Variants in RABEPK observed in about 807,000 individuals in gnomAD.
RABEPK encodes Rab9 effector protein with kelch motifs, also known as 40 kDa Rab9 effector protein.
RABEPK carries 27 observed loss-of-function variants against 34.1 expected under a neutral mutation model. The ratio of observed to expected loss-of-function variants is 0.79; its 90% CI spans 0.58 to 1.09. RABEPK has a LOEUF of 1.09. Among genes scored for constraint, RABEPK ranks in the 50% least tolerant of loss-of-function variants. RABEPK has a pLI of 0.00. For missense variants in RABEPK, 449 were observed against 462.6 expected, an observed-to-expected ratio of 0.97 and a Z score of 0.27; for synonymous variants, 172 against 169.2, an observed-to-expected ratio of 1.02 and a Z score of -0.13.
At chr9:125,203,184 CTGGTA>C in intron 2 of RABEPK, 118 bp downstream of exon 2, 1 of 803,716 alleles carries the variant, frequency 1.2e-6, no homozygotes, top group Non-Finnish European at 2.1e-6. Flanking sequence ...TCTGCAGTTT[CTGGTA>C]ATTAGACTCA....
In RABEPK at chr9:125,228,056, A is replaced by T. The variant is rs1417357256; in HGVS notation, c.673A>T (p.Ile225Leu). 7.1e-6 allele frequency: 11 copies of T among 1,553,672 alleles called. No homozygotes were observed. The South Asian group carries it at 8.4e-5, about 12-fold the overall frequency. The part of the protein sequence containing the change: ...RFYDDLHCID[I>L]SDMKWQKLNP... ...CTATGATGACCTCCACTGCATTGAT[A>T]TAAGTAAGCAGGGCATGGGGGCTTG... Residue 225 changes from isoleucine (I) to leucine (L), a missense_variant, in exon 6 of 8, where the codon ATA (isoleucine) becomes TTA (leucine). By Grantham distance (5) the Ile-to-Leu change is conservative. Coordinates refer to ENST00000373538, the MANE Select transcript of RABEPK (RefSeq NM_005833.4).
rs1323038385 is a variant in RABEPK at position 125,233,981 on chromosome 9, T to C, written c.*1T>C. ...TTGTATTGTGACTGTAGTGGACTAA[T>C]AAAACCCACATTTTTATTACCTGTC... On this transcript the variant is annotated 3_prime_UTR_variant, in exon 8 of 8. Coordinates refer to ENST00000373538, the MANE Select transcript of RABEPK (RefSeq NM_005833.4). 8 of 1,587,668 alleles carry C rather than the reference T, an allele frequency of 5.0e-6. No individual in the cohort carries two copies. Among genetic ancestry groups the C allele is most frequent in the Non-Finnish European group, 8.6e-7 (1 of 1,160,478 alleles).
chr9:125,211,739 G>A (rs899659587), intron 3 of RABEPK, among the ~76,000 whole-genome samples: 2 of 152,106 alleles, frequency 1.3e-5, no homozygotes, highest in Admixed American at 6.6e-5. Flanking sequence ...AGGCCAAGGC[G>A]GGTGGGTCAC....
At chr9:125,205,992 G>C (rs1033888464) in intron 2 of RABEPK, among the ~76,000 whole-genome samples, 1 of 152,040 alleles carries the variant, frequency 6.6e-6, no homozygotes, top group Admixed American at 6.6e-5. Context: ...GAAAGGAGTC[G>C]GAGAAGGAAG....
In RABEPK at chr9:125,232,887, C is replaced by T. The variant is rs1004062698; in HGVS notation, c.826+142C>T. The T allele has an allele frequency of 1.0e-5, 8 of 800,192 alleles. No homozygotes were observed. The South Asian group carries it at 1.9e-4, about 19-fold the overall frequency. 49.6% of individuals were successfully genotyped at this position (800,192 alleles called of 1,614,324 possible). A position where few individuals can be genotyped will look rare whatever the true frequency, so the allele number is the denominator to read the frequency against. ...GGTCAGGAGATCGAGACCATCCTGA[C>T]CAACATGGTGAAACCCCATCTCTAC... On this transcript the variant is annotated intron_variant, in intron 7 of 7. Transcript: ENST00000373538.
intron 3 of RABEPK, among the ~76,000 whole-genome samples, chr9:125,207,958 C>T (rs1223634623): frequency 6.6e-6 from 1 of 152,112 alleles, no homozygotes; most frequent in Non-Finnish European, 1.5e-5. Context: ...AACCCTGTCT[C>T]TACTAAAAAT....
intron 2 of RABEPK, among the ~76,000 whole-genome samples, chr9:125,206,948 G>T (rs1396003456): frequency 6.6e-6 from 1 of 152,040 alleles, no homozygotes; most frequent in Admixed American, 6.6e-5. Context: ...AATTAGCCAG[G>T]TGTGGTGGCA....
intron 4 of RABEPK, among the ~76,000 whole-genome samples, chr9:125,215,714 C>G (rs1380256714): frequency 6.6e-6 from 1 of 151,966 alleles, no homozygotes; most frequent in Non-Finnish European, 1.5e-5. Context: ...CAGGTTTTTA[C>G]CATTATAATT....
chr9:125,214,430 A>G (rs1830789552), intron 4 of RABEPK, among the ~76,000 whole-genome samples: 2 of 152,234 alleles, frequency 1.3e-5, no homozygotes, highest in Non-Finnish European at 1.5e-5. Flanking sequence ...GTTAAGAAAC[A>G]CTGACCTGGA....
At chr9:125,215,725 A>G (rs1274578798) in intron 4 of RABEPK, among the ~76,000 whole-genome samples, 1 of 152,166 alleles carries the variant, frequency 6.6e-6, no homozygotes, top group Non-Finnish European at 1.5e-5. Flanking sequence ...CATTATAATT[A>G]ACAAAGCAGT....
intron 5 of RABEPK, among the ~76,000 whole-genome samples, chr9:125,223,594 G>A (rs778843388): frequency 4.6e-5 from 7 of 152,032 alleles, no homozygotes; most frequent in Non-Finnish European, 8.8e-5. Context: ...AGCCAGGTAT[G>A]CTGACTCATG....
intron 4 of RABEPK, among the ~76,000 whole-genome samples, chr9:125,217,487 A>C (rs567722739): frequency 1.3e-5 from 2 of 152,100 alleles, no homozygotes; most frequent in Non-Finnish European, 2.9e-5. Flanking sequence ...TGCATCCTCC[A>C]CCTCTTGGGT....
At chr9:125,223,831 AC>A (rs1281986439) in intron 5 of RABEPK, among the ~76,000 whole-genome samples, 1 of 152,108 alleles carries the variant, frequency 6.6e-6, no homozygotes, top group African/African-American at 2.4e-5. Context: ...TCCTTGAACA[AC>A]CAGCAGGCAT....
Position 125,200,773 on chromosome 9 carries a change from C to A in RABEPK, c.-140C>A, listed in dbSNP as rs1588312560. The A allele has an allele frequency of 2.1e-6, 1 of 471,114 alleles. No individual in the cohort carries two copies. Among genetic ancestry groups the A allele is most frequent in the Admixed American group, 2.3e-5 (1 of 42,566 alleles). The allele number at this position is 471,114 out of a possible 1,614,324, so 29.2% of individuals were successfully genotyped here. On this transcript the variant is annotated 5_prime_UTR_variant, in exon 1 of 8. Transcript: ENST00000373538. ...GTTCTTTCCCGACCCCGTCTCCTATCCCCTAGAACTGCCACGTGGGGATGA... is the reference window on the plus strand; with the variant it reads ...GTTCTTTCCCGACCCCGTCTCCTATACCCTAGAACTGCCACGTGGGGATGA...
chr9:125,202,548 G>A (rs572438618), intron 1 of RABEPK, among the ~76,000 whole-genome samples: 1 of 119,510 alleles, frequency 8.4e-6, no homozygotes, highest in African/African-American at 3.2e-5. Context: ...TAAATACATA[G>A]GCCAGGCACG....
At chr9:125,213,551 G>A (rs62580619) in intron 4 of RABEPK, 29 bp downstream of exon 4, 57 of 1,589,602 alleles carry the variant, frequency 3.6e-5, no homozygotes, top group Admixed American at 2.9e-4. Context: ...TTTTATTTAC[G>A]TACATACAAA....
At chr9:125,218,161 A>C (rs1329950978) in intron 4 of RABEPK, among the ~76,000 whole-genome samples, 1 of 140,844 alleles carries the variant, frequency 7.1e-6, no homozygotes, top group Non-Finnish European at 1.6e-5. Flanking sequence ...AAAAAAAAAA[A>C]TACAAAAAAT....
chr9:125,204,556 G>C (rs942501741), intron 2 of RABEPK, among the ~76,000 whole-genome samples: 2 of 152,220 alleles, frequency 1.3e-5, no homozygotes, highest in Non-Finnish European at 1.5e-5. Flanking sequence ...ACTCCAGCCT[G>C]GGCGCAACAG....
At chr9:125,226,548 A>T (rs1258468633) in intron 5 of RABEPK, among the ~76,000 whole-genome samples, 1 of 151,734 alleles carries the variant, frequency 6.6e-6, no homozygotes, top group East Asian at 1.9e-4. Context: ...AACATGGTGA[A>T]ACCCCGTCTC....
Sources: allele counts gnomAD v4.1 joint callset (sites outside exome capture counted in the v4.1 genomes callset), GRCh38; gene constraint gnomAD v4.1.1; transcripts MANE v1.5; gene names NCBI Gene and HGNC (gene_info 2026-07-23, HGNC 2026-07-21).